MYH11: variants seen among roughly 807,000 people sequenced by gnomAD.
The protein encoded by MYH11 is myosin-11.
Under a neutral mutation model 246.6 loss-of-function variants are expected in MYH11, and 80 were observed. The ratio of observed to expected loss-of-function variants is 0.32; its 90% CI spans 0.27 to 0.39. The LOEUF (loss-of-function observed/expected upper bound fraction) is 0.39, where lower values mean the gene tolerates loss of function less well. Among genes scored for constraint, MYH11 ranks in the 10% least tolerant of loss-of-function variants. The probability of loss-of-function intolerance (pLI) is 1.00; values close to 1 mark genes in which losing one functional copy is unlikely to be tolerated. For synonymous variants in MYH11, 1,071 were observed against 1,015.5 expected (o/e 1.05, Z -1.04); for missense variants, 2,158 against 2,546.8 (o/e 0.85, Z 3.29).
At chr16:15,737,412 T>C (rs2041150503) in intron 25 of MYH11, 37 bp downstream of exon 25, 1 of 1,606,378 alleles carries the variant, frequency 6.2e-7, no homozygotes, top group Non-Finnish European at 8.5e-7. Context: ...AGGGGATACA[T>C]GGACACACAG....
At chr16:15,739,476 C>A (rs1357988652) in intron 23 of MYH11, among the ~76,000 whole-genome samples, 1 of 152,204 alleles carries the variant, frequency 6.6e-6, no homozygotes, top group African/African-American at 2.4e-5. Flanking sequence ...TATTTGCCAT[C>A]TCACTACAGT....
rs761097049 is a variant in MYH11 at position 15,724,380 on chromosome 16, G to C, written c.4146C>G (p.Asp1382Glu). The C allele has an allele frequency of 6.2e-7, 1 of 1,613,972 alleles. No individual in the cohort carries two copies. The highest frequency in any genetic ancestry group is 1.7e-4 in the Middle Eastern group (1 of 6,042). Residue 1382 changes from aspartate to glutamate, a missense_variant, in exon 31 of 41, where the codon GAC (aspartate) becomes GAG (glutamate). Asp to Glu is a conservative substitution (Grantham distance 45). Transcript: ENST00000300036. The part of the protein sequence containing the change: ...QLSDSKKKLQ[D>E]FASTVEALEE... ...CCAGAGCTTCCACGGTGCTGGCAAAGTCCTGCAGCTTCTTCTTCGAGTCGG... is the reference window on the plus strand; with the variant it reads ...CCAGAGCTTCCACGGTGCTGGCAAACTCCTGCAGCTTCTTCTTCGAGTCGG...
At chr16:15,840,309 A>G (rs536183031) in intron 1 of MYH11, among the ~76,000 whole-genome samples, 17 of 152,352 alleles carry the variant, frequency 1.1e-4, no homozygotes, top group African/African-American at 3.8e-4. Flanking sequence ...GAATGTTCCC[A>G]ACACAAAGAG....
intron 22 of MYH11, among the ~76,000 whole-genome samples, chr16:15,740,525 C>T (rs1186639327): frequency 6.6e-6 from 1 of 151,520 alleles, no homozygotes; most frequent in Non-Finnish European, 1.5e-5. Context: ...GCAGGAGAAT[C>T]GCTTGAACCC....
At chr16:15,726,490 C>T in intron 28 of MYH11, 1 of 365,574 alleles carries the variant, frequency 2.7e-6, no homozygotes, top group Middle Eastern at 8.9e-4. Context: ...CCTGCCTCAG[C>T]CTCCCGAGTA....
At chr16:15,815,840 C>G (rs1188286419) in intron 3 of MYH11, among the ~76,000 whole-genome samples, 1 of 151,566 alleles carries the variant, frequency 6.6e-6, no homozygotes, top group Non-Finnish European at 1.5e-5. Flanking sequence ...TGAATATAAT[C>G]ACACACACAC....
At chr16:15,758,724 T>C (rs1044429584) in intron 12 of MYH11, among the ~76,000 whole-genome samples, 25 of 149,618 alleles carry the variant, frequency 1.7e-4, no homozygotes, top group Non-Finnish European at 3.3e-4. Context: ...CACTTGAACC[T>C]GGGAGGCGGA....
chr16:15,724,118 C>G lies in MYH11; in HGVS notation c.4365+43G>C, dbSNP rs138012038. The G allele has an allele frequency of 1.9e-6, 3 of 1,610,726 alleles. No homozygotes were observed. In the South Asian group the frequency reaches 3.3e-5, roughly 18 times the overall value. On this transcript the variant is annotated intron_variant, in intron 31 of 40. Coordinates refer to ENST00000300036, the MANE Select transcript of MYH11 (RefSeq NM_002474.3). ...TACTCTGCAGAGCTGATTCCCCAAC[C>G]CAGCGTCCATGGCCAGAGTGGGGGA...
chr16:15,829,365 C>T (rs1760960721), intron 2 of MYH11, among the ~76,000 whole-genome samples: 1 of 152,166 alleles, frequency 6.6e-6, no homozygotes, highest in South Asian at 2.1e-4. Flanking sequence ...ATCTGAATCT[C>T]TGCTGAGTTC....
intron 19 of MYH11, among the ~76,000 whole-genome samples, chr16:15,746,842 C>T (rs1028596975): frequency 4.6e-5 from 7 of 152,172 alleles, no homozygotes; most frequent in African/African-American, 1.7e-4. Flanking sequence ...AATCCCAGCA[C>T]TTTGGGAGGC....
At chr16:15,711,791 C>G (rs1212489611) in intron 40 of MYH11, among the ~76,000 whole-genome samples, 5 of 152,156 alleles carry the variant, frequency 3.3e-5, no homozygotes, top group Non-Finnish European at 7.3e-5. Flanking sequence ...CTCCCAGGTT[C>G]AAGCGATTCT....
rs369132327 is a variant in MYH11, at chr16:15,826,199, A to G, written c.346-2788T>C. 2.2e-4 allele frequency among the ~76,000 whole-genome samples: 33 copies of G among 152,264 alleles called. No individual in the cohort carries two copies. In the East Asian group the frequency reaches 5.8e-3, roughly 27 times the overall value. ...ATTCATTCTGTACGTCCCAGATGCC[A>G]TGCAAAAGGTGCTGGGACTACATTA... On this transcript the variant is annotated intron_variant, in intron 2 of 40. Coordinates refer to ENST00000300036, the MANE Select transcript of MYH11 (RefSeq NM_002474.3).
intron 3 of MYH11, among the ~76,000 whole-genome samples, chr16:15,810,463 A>G (rs1455041965): frequency 6.6e-6 from 1 of 152,230 alleles, no homozygotes; most frequent in African/African-American, 2.4e-5. Flanking sequence ...TCAGAGCACC[A>G]AACAGACACT....
At chr16:15,774,220 C>T (rs527920660) in intron 8 of MYH11, among the ~76,000 whole-genome samples, 1 of 152,186 alleles carries the variant, frequency 6.6e-6, no homozygotes. Flanking sequence ...ACTTCATTAT[C>T]CCGAGTTTGG....
At chr16:15,794,940 T>C (rs1200797593) in intron 4 of MYH11, among the ~76,000 whole-genome samples, 2 of 152,210 alleles carry the variant, frequency 1.3e-5, no homozygotes, top group Non-Finnish European at 2.9e-5. Flanking sequence ...ATCTGAGTTT[T>C]ATTCTCATGG....
chr16:15,725,514 C>A, intron 28 of MYH11: 2 of 421,032 alleles, frequency 4.8e-6, no homozygotes, highest in Admixed American at 7.7e-5. Flanking sequence ...AACGTCCTCT[C>A]TGTATTCTCT....
rs1441009608 is a variant in MYH11 at position 15,750,679 on chromosome 16, G to A, written c.1865-348C>T. Among the ~76,000 whole-genome samples, 1 of 151,818 alleles carries A rather than the reference G, an allele frequency of 6.6e-6. No individual in the cohort carries two copies. The highest frequency in any genetic ancestry group is 1.5e-5 in the Non-Finnish European group (1 of 67,980). Reference sequence around the variant, plus strand: ...ATACCGTCTACCTTCTAGGGCAGGGGTAAAAAAAAATAAGGCACAGAAGGC... The same window carrying A: ...ATACCGTCTACCTTCTAGGGCAGGGATAAAAAAAAATAAGGCACAGAAGGC... On this transcript the variant is annotated intron_variant, in intron 15 of 40. Coordinates refer to ENST00000300036, the MANE Select transcript of MYH11 (RefSeq NM_002474.3). The surrounding 1 kb of genome is among the most constrained non-coding windows in gnomAD (Gnocchi z 4.3).
At chr16:15,776,033 G>T (rs1204862853) in intron 8 of MYH11, 45 bp downstream of exon 8, 1 of 1,395,922 alleles carries the variant, frequency 7.2e-7, no homozygotes. Context: ...CTGATGAAAG[G>T]GAAGGCTCAA....
intron 3 of MYH11, among the ~76,000 whole-genome samples, chr16:15,820,669 GA>G (rs1395395789): frequency 6.6e-6 from 1 of 152,090 alleles, no homozygotes; most frequent in Non-Finnish European, 1.5e-5. Context: ...TCGGGCTGCA[GA>G]AGTCAAGCAT....
Sources: allele counts gnomAD v4.1 joint callset (sites outside exome capture counted in the v4.1 genomes callset), GRCh38; gene constraint gnomAD v4.1.1; non-coding constraint Gnocchi (gnomAD v3.1); transcripts MANE v1.5; gene names NCBI Gene and HGNC (gene_info 2026-07-23, HGNC 2026-07-21).